The following FTCDNL1 variants were observed in gnomAD, a reference collection of about 807,000 sequenced individuals.
FTCDNL1 encodes the protein formiminotransferase cyclodeaminase N-terminal like.
In FTCDNL1, 11 loss-of-function variants were observed where a neutral mutation model predicts 5.9. The ratio of observed to expected loss-of-function variants is 1.87; its 90% CI spans 1.18 to 3.10. The LOEUF is 3.10. FTCDNL1 is among the 30% of genes most tolerant of loss of function. The pLI is 0.00. For missense variants in FTCDNL1, 115 were observed against 65.5 expected (o/e 1.76, Z -2.61); for synonymous variants, 58 against 24.8 (o/e 2.34, Z -3.99).
At position 199,810,115 on chromosome 2, in the gene FTCDNL1, A is replaced by G. The variant is rs7597766; in HGVS notation, c.*2590T>C. On this transcript the variant is annotated 3_prime_UTR_variant, in exon 5 of 5. Coordinates refer to ENST00000420128, the MANE Select transcript of FTCDNL1 (RefSeq NM_001363886.2). ...AAAGCACGGTTAAGAGCTAAGCGTC[A>G]TCAGCAGCAACAGGCCTTAGACCTT... is the stretch of plus-strand genomic sequence containing the variant. Among the ~76,000 whole-genome samples, 2,965 of 152,204 alleles carry G rather than the reference A, an allele frequency of 0.019. 91 individuals carry two copies. The highest frequency in any genetic ancestry group is 0.067 in the African/African-American group (2,793 of 41,498).
At chr2:199,843,527 C>T (rs1266452123) in intron 3 of FTCDNL1, among the ~76,000 whole-genome samples, 1 of 152,114 alleles carries the variant, frequency 6.6e-6, no homozygotes, top group African/African-American at 2.4e-5. Flanking sequence ...ACTGTCAGGT[C>T]ACATAAAATG....
chr2:199,762,743 G>A (rs1158796508), intron 3 of FTCDNL1, among the ~76,000 whole-genome samples: 2 of 152,080 alleles, frequency 1.3e-5, no homozygotes, highest in Non-Finnish European at 2.9e-5. Flanking sequence ...ATCTGCCTAT[G>A]TCATATATAT....
chr2:199,674,507 TG>T, the FTCDNL1 span, among the ~76,000 whole-genome samples: 1 of 152,232 alleles, frequency 6.6e-6, no homozygotes, highest in Non-Finnish European at 1.5e-5. Context: ...CAATATTATC[TG>T]GATTGCATCA....
intron 3 of FTCDNL1, among the ~76,000 whole-genome samples, chr2:199,829,090 G>A (rs1702207963): frequency 6.6e-6 from 1 of 152,174 alleles, no homozygotes; most frequent in South Asian, 2.1e-4. Flanking sequence ...TGAATCACCT[G>A]TTCAGAAAGA....
the FTCDNL1 span, among the ~76,000 whole-genome samples, chr2:199,715,000 A>G: frequency 0.79 from 118,864 of 151,276 alleles, 48,210 homozygotes; most frequent in South Asian, 0.94. Context: ...GTTAAATGAC[A>G]AGTTACTGGA....
chr2:199,829,390 A>C (rs1238686773), intron 3 of FTCDNL1, among the ~76,000 whole-genome samples: 1 of 152,168 alleles, frequency 6.6e-6, no homozygotes, highest in Non-Finnish European at 1.5e-5. Flanking sequence ...CTAAATATGA[A>C]TATCTAGCAC....
downstream of FTCDNL1, among the ~76,000 whole-genome samples, chr2:199,807,400 G>C (rs564593784): frequency 6.6e-6 from 1 of 152,316 alleles, no homozygotes; most frequent in Non-Finnish European, 1.5e-5. Context: ...TACTTTGGGA[G>C]CCCGAGGTGG....
intron 3 of FTCDNL1, among the ~76,000 whole-genome samples, chr2:199,762,761 C>A (rs1292240389): frequency 6.6e-6 from 1 of 152,150 alleles, no homozygotes; most frequent in Non-Finnish European, 1.5e-5. Context: ...TATTATATCA[C>A]ATATACAGTT....
the FTCDNL1 span, among the ~76,000 whole-genome samples, chr2:199,733,748 TTA>T: frequency 1.8e-4 from 28 of 152,342 alleles, no homozygotes; most frequent in African/African-American, 6.7e-4. Flanking sequence ...TCCACAAGCT[TTA>T]TGTTACACAT....
At chr2:199,673,861 G>T in the FTCDNL1 span, among the ~76,000 whole-genome samples, 2 of 152,052 alleles carry the variant, frequency 1.3e-5, no homozygotes, top group African/African-American at 4.8e-5. Flanking sequence ...GTTAAAGTCA[G>T]ACAAAGATTT....
chr2:199,793,735 A>C (rs952146061), intron 3 of FTCDNL1, among the ~76,000 whole-genome samples: 1 of 152,218 alleles, frequency 6.6e-6, no homozygotes, highest in Non-Finnish European at 1.5e-5. Flanking sequence ...CGGCATTGAC[A>C]TCAAGAACTC....
the FTCDNL1 span, among the ~76,000 whole-genome samples, chr2:199,675,604 A>T: frequency 6.6e-6 from 1 of 152,180 alleles, no homozygotes; most frequent in Admixed American, 6.5e-5. Flanking sequence ...CGGAGCTGGT[A>T]TAATGACTCC....
At chr2:199,735,201 C>G in the FTCDNL1 span, among the ~76,000 whole-genome samples, 1 of 149,486 alleles carries the variant, frequency 6.7e-6, no homozygotes, top group Non-Finnish European at 1.5e-5. Flanking sequence ...CAACACAGAA[C>G]TCTATGAAAG....
the FTCDNL1 span, among the ~76,000 whole-genome samples, chr2:199,689,426 G>T: frequency 6.6e-6 from 1 of 152,100 alleles, no homozygotes; most frequent in Non-Finnish European, 1.5e-5. Context: ...TCTCTCTTAG[G>T]TATATCCATG....
chr2:199,746,065 C>A, the FTCDNL1 span, among the ~76,000 whole-genome samples: 32 of 152,292 alleles, frequency 2.1e-4, 1 homozygote, highest in East Asian at 6.2e-3. Flanking sequence ...CAAAAATGAC[C>A]TTTATCATAT....
At chr2:199,706,215 T>C in the FTCDNL1 span, among the ~76,000 whole-genome samples, 1 of 152,194 alleles carries the variant, frequency 6.6e-6, no homozygotes, top group African/African-American at 2.4e-5. Context: ...CTTAGTTTGA[T>C]GTGACCTTTG....
chr2:199,799,494 T>C lies in FTCDNL1; in HGVS notation c.212-38659A>G, dbSNP rs915460395. ...CTCCCAGTGTTAACTATGCTGCATA[T>C]TTACTTTAATCAAAGTGACATTTCC... On this transcript the variant is annotated intron_variant, in intron 3 of 3. Coordinates refer to the FTCDNL1 transcript ENST00000416668. 2.6e-5 allele frequency among the ~76,000 whole-genome samples: 4 copies of C among 152,312 alleles called. No homozygotes were observed. The South Asian group carries it at 8.3e-4, about 32-fold the overall frequency.
intron 3 of FTCDNL1, among the ~76,000 whole-genome samples, chr2:199,802,036 G>A (rs906112394): frequency 6.6e-6 from 1 of 152,130 alleles, no homozygotes; most frequent in Non-Finnish European, 1.5e-5. Context: ...CTATTGCACA[G>A]GTTGCAAGCT....
chr2:199,694,998 T>C, the FTCDNL1 span, among the ~76,000 whole-genome samples: 1 of 152,212 alleles, frequency 6.6e-6, no homozygotes, highest in African/African-American at 2.4e-5. Context: ...ATCTTCTATC[T>C]TGCTTGGATT....
Sources: allele counts gnomAD v4.1 joint callset (sites outside exome capture counted in the v4.1 genomes callset), GRCh38; gene constraint gnomAD v4.1.1; transcripts MANE v1.5; gene names NCBI Gene and HGNC (gene_info 2026-07-23, HGNC 2026-07-21).